NXPE2: variants seen among roughly 807,000 people sequenced by gnomAD.
NXPE2 encodes NXPE family member 2.
A neutral mutation model predicts 34.4 loss-of-function variants in NXPE2; 34 were observed. That is an observed-to-expected ratio of 0.99 (90% CI 0.75 to 1.31). NXPE2 has a LOEUF of 1.31. Ranked by LOEUF, NXPE2 falls within the 40% of genes most tolerant of loss-of-function variation. The pLI is 0.00. For missense variants in NXPE2, 649 were observed against 672.5 expected (o/e 0.97, Z 0.39); for synonymous variants, 235 against 231.3 (o/e 1.02, Z -0.15).
chr11:114,656,235 C>T, the NXPE2 span, among the ~76,000 whole-genome samples: 1 of 152,036 alleles, frequency 6.6e-6, no homozygotes, highest in Non-Finnish European at 1.5e-5. Context: ...ATGCAAAGGA[C>T]CTCTTCAAGG....
chr11:114,660,245 C>T, the NXPE2 span, among the ~76,000 whole-genome samples: 11 of 151,980 alleles, frequency 7.2e-5, no homozygotes, highest in African/African-American at 1.4e-4. Context: ...TCAATACTAA[C>T]AATTCTACTG....
intron 2 of NXPE2, among the ~76,000 whole-genome samples, chr11:114,693,693 T>C (rs1051977495): frequency 3.9e-5 from 6 of 152,128 alleles, no homozygotes; most frequent in Non-Finnish European, 8.8e-5. Flanking sequence ...AGCATAATAT[T>C]TAAAATATCT....
chr11:114,545,622 G>A, the NXPE2 span, among the ~76,000 whole-genome samples: 1 of 151,958 alleles, frequency 6.6e-6, no homozygotes, highest in African/African-American at 2.4e-5. Flanking sequence ...TGAAATTACT[G>A]TGTATGATAC....
chr11:114,474,527 T>A, the NXPE2 span, among the ~76,000 whole-genome samples: 1 of 152,204 alleles, frequency 6.6e-6, no homozygotes, highest in African/African-American at 2.4e-5. Flanking sequence ...GTGTATCAAG[T>A]AAGACTTACA....
chr11:114,614,906 C>A, the NXPE2 span, among the ~76,000 whole-genome samples: 1 of 151,774 alleles, frequency 6.6e-6, no homozygotes, highest in Admixed American at 6.6e-5. Context: ...AGGGTAATCA[C>A]TGTTACCCAG....
the NXPE2 span, chr11:114,554,430 G>C: frequency 1.0e-6 from 1 of 957,850 alleles, no homozygotes; most frequent in South Asian, 4.8e-5. Flanking sequence ...AACATTCTTT[G>C]TGACATGGGC....
the NXPE2 span, among the ~76,000 whole-genome samples, chr11:114,485,383 CTTTTTTTTTT>C: frequency 2.2e-5 from 2 of 89,220 alleles, no homozygotes; most frequent in African/African-American, 9.3e-5. Context: ...TAATTTTTGT[CTTTTTTTTTT>C]TTTTTTTTTT....
At chr11:114,566,294 A>G in the NXPE2 span, among the ~76,000 whole-genome samples, 1 of 152,142 alleles carries the variant, frequency 6.6e-6, no homozygotes. Context: ...CATAGGAATG[A>G]ACCCCAGGGC....
chr11:114,778,452 A>C, the NXPE2 span, among the ~76,000 whole-genome samples: 1 of 152,256 alleles, frequency 6.6e-6, no homozygotes. Flanking sequence ...CTGTTGGCTG[A>C]AGACTAGGCT....
At chr11:114,682,632 AT>A (rs1237177855) in intron 2 of NXPE2, among the ~76,000 whole-genome samples, 2 of 152,192 alleles carry the variant, frequency 1.3e-5, no homozygotes, top group Non-Finnish European at 2.9e-5. Context: ...GTTAATTAAA[AT>A]TTTTTTATTC....
At chr11:114,627,742 A>C in the NXPE2 span, among the ~76,000 whole-genome samples, 1 of 152,192 alleles carries the variant, frequency 6.6e-6, no homozygotes, top group Non-Finnish European at 1.5e-5. Flanking sequence ...TTAAAGAGTC[A>C]AGACCCATCA....
chr11:114,546,543 C>T, the NXPE2 span, among the ~76,000 whole-genome samples: 451 of 151,288 alleles, frequency 3.0e-3, 3 homozygotes, highest in African/African-American at 0.011. Flanking sequence ...CTCAAACGAT[C>T]CTCCCATCTC....
At chr11:114,561,006 C>G in the NXPE2 span, among the ~76,000 whole-genome samples, 2 of 152,184 alleles carry the variant, frequency 1.3e-5, no homozygotes, top group Non-Finnish European at 2.9e-5. Flanking sequence ...AGACCTTTCT[C>G]TCATGCCTCA....
chr11:114,475,226 GTTTT>G, the NXPE2 span, among the ~76,000 whole-genome samples: 3 of 88,068 alleles, frequency 3.4e-5, no homozygotes, highest in Admixed American at 3.0e-4. Flanking sequence ...AATGTGAACT[GTTTT>G]TTTTTTTTTT....
chr11:114,686,435 A>G (rs900104336), intron 2 of NXPE2, among the ~76,000 whole-genome samples: 1 of 152,166 alleles, frequency 6.6e-6, no homozygotes, highest in African/African-American at 2.4e-5. Context: ...ATGTTGCTAC[A>G]AAGGACATGA....
the NXPE2 span, among the ~76,000 whole-genome samples, chr11:114,754,578 G>C: frequency 1.3e-5 from 2 of 152,202 alleles, no homozygotes; most frequent in African/African-American, 4.8e-5. Flanking sequence ...CAGGAGCACA[G>C]TGGACACCAG....
intron 3 of NXPE2, among the ~76,000 whole-genome samples, chr11:114,700,858 C>G (rs2135565260): frequency 6.6e-6 from 1 of 152,106 alleles, no homozygotes; most frequent in Non-Finnish European, 1.5e-5. Flanking sequence ...GACTTTGGTT[C>G]CCCAGTTTGG....
At chr11:114,812,339 A>T in the NXPE2 span, among the ~76,000 whole-genome samples, 3 of 152,356 alleles carry the variant, frequency 2.0e-5, no homozygotes, top group South Asian at 4.1e-4. Context: ...CTTCTGTCCC[A>T]GAGCATATCT....
At chr11:114,488,924 GT>G in the NXPE2 span, among the ~76,000 whole-genome samples, 1 of 151,986 alleles carries the variant, frequency 6.6e-6, no homozygotes, top group African/African-American at 2.4e-5. Flanking sequence ...CCAGGAGCTG[GT>G]TTTTTGAAAA....
Sources: gnomAD v4.1 joint callset for allele counts (sites outside exome capture counted in the v4.1 genomes callset) on GRCh38, gnomAD v4.1.1 for gene constraint, MANE v1.5 for transcripts, NCBI Gene and HGNC (gene_info 2026-07-23, HGNC 2026-07-21) for gene names.